ZNF624: variants seen among roughly 807,000 people sequenced by gnomAD.
ZNF624 encodes zinc finger protein 624.
Under a neutral mutation model 74.7 loss-of-function variants are expected in ZNF624, and 43 were observed. The observed-to-expected ratio is 0.58, with a 90% CI of 0.45 to 0.74. The LOEUF (loss-of-function observed/expected upper bound fraction) is 0.74. ZNF624 is among the 30% of genes least tolerant of loss of function. The probability of loss-of-function intolerance (pLI) is 0.00; values close to 1 mark genes in which losing one functional copy is unlikely to be tolerated. For synonymous variants in ZNF624, 331 were observed against 341.3 expected (o/e 0.97, Z 0.33); for missense variants, 820 against 1,030.0 (o/e 0.80, Z 2.79).
downstream of ZNF624, among the ~76,000 whole-genome samples, chr17:16,618,912 G>C (rs558874326): frequency 2.0e-5 from 3 of 152,290 alleles, no homozygotes; most frequent in South Asian, 6.2e-4. Context: ...TAGTAGTTAA[G>C]TTTTTGAGGT....
chr17:16,647,340 G>A lies in ZNF624; in HGVS notation c.142C>T (p.Gln48Ter). Residue 48 changes from glutamine (Q) to a stop codon, truncating the protein, a stop_gained, in exon 3 of 6, where the codon CAA becomes TAA. Coordinates refer to ENST00000311331, the MANE Select transcript of ZNF624 (RefSeq NM_020787.4). LOFTEE classifies it high-confidence loss of function. Reference sequence around the variant, plus strand: ...ACAGTAGGTATTACCTTTACCAATTGTGTTTCTTCTGCCTGAAGGTGAAGA... The same window carrying A: ...ACAGTAGGTATTACCTTTACCAATTATGTTTCTTCTGCCTGAAGGTGAAGA... Reference protein sequence around the residue: ...EDLHLQAEETQLVKESVTFKD... With the variant: ...EDLHLQAEET The A allele has an allele frequency of 6.2e-7, 1 of 1,613,870 alleles. No homozygotes were observed. Among genetic ancestry groups the A allele is most frequent in the South Asian group, 1.1e-5 (1 of 91,080 alleles).
downstream of ZNF624, among the ~76,000 whole-genome samples, chr17:16,618,494 T>C (rs1908836125): frequency 1.3e-5 from 2 of 151,748 alleles, no homozygotes; most frequent in Admixed American, 6.6e-5. Context: ...TATGGGGTAA[T>C]TGAAAAAAAA....
chr17:16,634,009 C>T, intron 4 of ZNF624, 52 bp from the exon 5 acceptor site: 1 of 1,441,610 alleles, frequency 6.9e-7, no homozygotes, highest in Non-Finnish European at 9.7e-7. Context: ...GCAAGAACTC[C>T]TGCCAAATTC....
Position 16,624,381 on chromosome 17 carries a change from A to G in ZNF624, c.505T>C (p.Trp169Arg). The G allele has an allele frequency of 6.2e-7, 1 of 1,613,960 alleles. No individual in the cohort carries two copies. The highest frequency in any genetic ancestry group is 8.5e-7 in the Non-Finnish European group (1 of 1,179,966). Residue 169 changes from tryptophan to arginine, a missense_variant, in exon 6 of 6, where the codon TGG (tryptophan) becomes CGG (arginine). Coordinates refer to ENST00000311331, the MANE Select transcript of ZNF624 (RefSeq NM_020787.4). Reference sequence around the variant, plus strand: ...CTCAATATCCTATCATTCCATTTCCATAACCCTTCCATTCTGGAATCCCAC... The same window carrying G: ...CTCAATATCCTATCATTCCATTTCCGTAACCCTTCCATTCTGGAATCCCAC... The part of the protein sequence containing the change: ...GLWDSRMEGL[W>R]KWNDRILRLQ...
Position 16,623,373 on chromosome 17 carries a change from A to G in ZNF624, c.1513T>C (p.Cys505Arg). 1 of 1,613,826 alleles carries G rather than the reference A, an allele frequency of 6.2e-7. No homozygotes were observed. The highest frequency in any genetic ancestry group is 8.5e-7 in the Non-Finnish European group (1 of 1,179,784). ...GCGATGCGGTTGAATGCTTTCCCAC[A>G]TTCATTACATTCATAGGGTTTTTCC... ...TGEKPYECNE[C>R]GKAFNRIANF... Residue 505 changes from cysteine (C) to arginine (R), a missense_variant, in exon 6 of 6, where the codon TGT becomes CGT. Coordinates refer to ENST00000311331, the MANE Select transcript of ZNF624 (RefSeq NM_020787.4). The surrounding 1 kb of genome is among the most constrained non-coding windows in gnomAD (Gnocchi z 5.3).
chr17:16,649,566 T>A (rs543140513), intron 2 of ZNF624, 92 bp downstream of exon 2: 2 of 1,136,374 alleles, frequency 1.8e-6, no homozygotes, highest in South Asian at 2.6e-5. Flanking sequence ...AGAAGGGGTG[T>A]CGGGGGAAGT....
At chr17:16,638,344 C>T (rs55920274) in intron 3 of ZNF624, among the ~76,000 whole-genome samples, 34,767 of 151,996 alleles carry the variant, frequency 0.23, 4,387 homozygotes, top group East Asian at 0.35. Flanking sequence ...TACCATTTGA[C>T]CCAGCCATCC....
chr17:16,627,396 T>C (rs796420320), intron 5 of ZNF624, among the ~76,000 whole-genome samples: 16 of 152,340 alleles, frequency 1.1e-4, no homozygotes, highest in African/African-American at 2.4e-4. Context: ...GTCTGCACTT[T>C]GGGGATGTCA....
At chr17:16,629,197 CAAAAAAAAAAAA>C (rs34250278) in intron 5 of ZNF624, among the ~76,000 whole-genome samples, 3 of 59,500 alleles carry the variant, frequency 5.0e-5, no homozygotes, top group East Asian at 1.2e-3. Flanking sequence ...GACTCCATCT[CAAAAAAAAAAAA>C]AAAAAAAAAA....
intron 3 of ZNF624, among the ~76,000 whole-genome samples, chr17:16,637,893 T>G (rs1909371793): frequency 6.6e-6 from 1 of 152,076 alleles, no homozygotes; most frequent in South Asian, 2.1e-4. Context: ...AAAGAGCTTC[T>G]GCACAGCAAA....
chr17:16,623,250 G>T lies in ZNF624; in HGVS notation c.1636C>A (p.His546Asn). 1 of 1,613,962 alleles carries T rather than the reference G, an allele frequency of 6.2e-7. No homozygotes were observed. The highest frequency in any genetic ancestry group is 8.5e-7 in the Non-Finnish European group (1 of 1,179,916). ...TTCTCTCCTGTATGCATTCTGTGGT[G>T]TACAGTAAGGCATGAATAATTAATG... is the stretch of plus-strand genomic sequence containing the variant. ...AFINYSCLTV[H>N]HRMHTGEKPY... The change falls in exon 6 of 6, where the codon CAC (histidine) becomes AAC (asparagine). Residue 546 changes from histidine to asparagine, a missense_variant. By Grantham distance (68) the His-to-Asn change is moderately conservative. Transcript: ENST00000311331. The surrounding 1 kb of genome is among the most constrained non-coding windows in gnomAD (Gnocchi z 5.3).
chr17:16,643,149 A>G (rs2142637855), intron 3 of ZNF624, among the ~76,000 whole-genome samples: 1 of 152,358 alleles, frequency 6.6e-6, no homozygotes, highest in Non-Finnish European at 1.5e-5. Context: ...GAATTATCAT[A>G]TGATCCAGCA....
Position 16,622,547 on chromosome 17 carries a change from T to C in ZNF624, c.2339A>G (p.Tyr780Cys). Reference sequence around the variant, plus strand: ...ACCCTTTCCACATTCCTTACAGGTGTAGGGTTTTTCTCCAGTGTGTGTTCT... The same window carrying C: ...ACCCTTTCCACATTCCTTACAGGTGCAGGGTTTTTCTCCAGTGTGTGTTCT... ...HWRTHTGEKPYTCKECGKGCI... is the reference protein window; with the variant it reads ...HWRTHTGEKPCTCKECGKGCI... Residue 780 changes from tyrosine to cysteine, a missense_variant, in exon 6 of 6, where the codon TAC (tyrosine) becomes TGC (cysteine). Tyr to Cys is a radical substitution (Grantham distance 194, BLOSUM62 -2). Coordinates refer to ENST00000311331, the MANE Select transcript of ZNF624 (RefSeq NM_020787.4). 1 of 1,613,942 alleles carries C rather than the reference T, an allele frequency of 6.2e-7. No individual in the cohort carries two copies. Among genetic ancestry groups the C allele is most frequent in the Non-Finnish European group, 8.5e-7 (1 of 1,179,894 alleles).
At chr17:16,632,453 C>T (rs1245202242) in intron 5 of ZNF624, among the ~76,000 whole-genome samples, 35 of 152,170 alleles carry the variant, frequency 2.3e-4, no homozygotes, top group Admixed American at 2.3e-3. Flanking sequence ...AGCCACTGCT[C>T]CATTTCTCTT....
chr17:16,636,137 G>C (rs1484541071), intron 3 of ZNF624, among the ~76,000 whole-genome samples: 1 of 152,068 alleles, frequency 6.6e-6, no homozygotes, highest in East Asian at 1.9e-4. Flanking sequence ...GCATCAATAA[G>C]GATAATAACT....
At position 16,623,050 on chromosome 17, in the gene ZNF624, A is replaced by G. The variant is rs1053687869; in HGVS notation, c.1836T>C (p.Tyr612=). ...ATGCCCTCTCGCAGTCAGTACATTTATATGGTTTCTCTCCAGTGTGAATTC... is the reference window on the plus strand; with the variant it reads ...ATGCCCTCTCGCAGTCAGTACATTTGTATGGTTTCTCTCCAGTGTGAATTC... ...HQRIHTGEKP[Y]KCTDCERAFT... is the part of the protein sequence containing the mutation. Residue 612 remains tyrosine (Y), a synonymous_variant, in exon 6 of 6, where the codon TAT becomes TAC. Transcript: ENST00000311331. This position sits in a 1 kb window ranked among gnomAD's most constrained non-coding sequence, Gnocchi z 5.3. The G allele has an allele frequency of 2.9e-5, 46 of 1,613,892 alleles. No individual in the cohort carries two copies. The highest frequency in any genetic ancestry group is 3.8e-5 in the Non-Finnish European group (45 of 1,179,966).
In ZNF624 at chr17:16,622,873, A is replaced by G; in HGVS notation, c.2013T>C (p.Asn671=). Residue 671 remains asparagine, a synonymous_variant, in exon 6 of 6, where the codon AAT becomes AAC. Transcript: ENST00000311331. The stretch of plus-strand genomic sequence containing the variant: ...TATTAGTGAAGGCTTTCTCACATTC[A>G]TTACATTTATATGGTTTTTCTCCAG... ...THTGEKPYKC[N]ECEKAFTNTS... 2 of 1,613,880 alleles carry G rather than the reference A, an allele frequency of 1.2e-6. No homozygotes were observed. Among genetic ancestry groups the G allele is most frequent in the Non-Finnish European group, 1.7e-6 (2 of 1,179,918 alleles).
chr17:16,633,445 T>G (rs968311982), intron 5 of ZNF624, among the ~76,000 whole-genome samples: 3 of 152,026 alleles, frequency 2.0e-5, no homozygotes, highest in Admixed American at 6.6e-5. Context: ...AAATAATGAG[T>G]AAATAAGTTT....
At chr17:16,631,040 C>T (rs1489580022) in intron 5 of ZNF624, among the ~76,000 whole-genome samples, 1 of 152,008 alleles carries the variant, frequency 6.6e-6, no homozygotes, top group Non-Finnish European at 1.5e-5. Context: ...AAAATGTTTA[C>T]AAAATTCTGC....
Sources: allele counts gnomAD v4.1 joint callset (sites outside exome capture counted in the v4.1 genomes callset), GRCh38; gene constraint gnomAD v4.1.1; non-coding constraint Gnocchi (gnomAD v3.1); transcripts MANE v1.5; gene names NCBI Gene and HGNC (gene_info 2026-07-23, HGNC 2026-07-21).